The following KANK2 variants were observed in gnomAD, a reference collection of about 807,000 sequenced individuals.
KANK2 encodes the protein KN motif and ankyrin repeat domain-containing protein 2.
Under a neutral mutation model 74.6 loss-of-function variants are expected in KANK2, and 41 were observed. The ratio of observed to expected loss-of-function variants is 0.55; its 90% CI spans 0.43 to 0.71. The LOEUF is 0.71. Ranked by LOEUF, KANK2 falls within the 30% of genes least tolerant of loss-of-function variation. The pLI is 0.00. For synonymous variants in KANK2, 537 were observed against 519.0 expected (o/e 1.03, Z -0.47); for missense variants, 1,148 against 1,196.4 (o/e 0.96, Z 0.60).
intron 4 of KANK2, among the ~76,000 whole-genome samples, chr19:11,180,448 A>G (rs2078481714): frequency 6.6e-6 from 1 of 151,882 alleles, no homozygotes; most frequent in African/African-American, 2.4e-5. Flanking sequence ...CACAGGCAAT[A>G]TTCAACTTTA....
chr19:11,188,574 C>T (rs2078745142), intron 4 of KANK2, among the ~76,000 whole-genome samples: 1 of 151,312 alleles, frequency 6.6e-6, no homozygotes, highest in African/African-American at 2.4e-5. Flanking sequence ...TTTGTTCAAC[C>T]CCTTGATAAG....
chr19:11,193,551 G>A lies in KANK2; in HGVS notation c.529C>T (p.Pro177Ser). ...PTPRSSGLST[P>S]VPPSAGHLAH... Reference sequence around the variant, plus strand: ...AGGTGCCCGGCACTGGGAGGCACCGGTGTGGACAGTCCTGAACTCCGTGGT... The same window carrying A: ...AGGTGCCCGGCACTGGGAGGCACCGATGTGGACAGTCCTGAACTCCGTGGT... The change falls in exon 4 of 13, where the codon CCG (proline) becomes TCG (serine). Residue 177 changes from proline to serine, a missense_variant. Transcript: ENST00000586659. This position sits in a 1 kb window ranked among gnomAD's most constrained non-coding sequence, Gnocchi z 9.6. The A allele has an allele frequency of 1.9e-6, 3 of 1,604,162 alleles. No homozygotes were observed. The highest frequency in any genetic ancestry group is 2.2e-5 in the South Asian group (2 of 90,838).
upstream of KANK2, chr19:11,197,699 G>C (rs1179721400): frequency 1.3e-5 from 2 of 151,910 alleles, no homozygotes; most frequent in African/African-American, 4.8e-5. Flanking sequence ...TTGGAGACTG[G>C]ATCTCACCTG....
intron 6 of KANK2, among the ~76,000 whole-genome samples, chr19:11,177,035 G>C (rs1054127620): frequency 5.9e-5 from 9 of 152,140 alleles, no homozygotes; most frequent in Admixed American, 1.3e-4. Context: ...TCATGCTCGG[G>C]GGGAGGGGCA....
chr19:11,193,276 G>A lies in KANK2; in HGVS notation c.804C>T (p.Gly268=), dbSNP rs2078910430. 9.9e-6 allele frequency: 16 copies of A among 1,611,124 alleles called. No homozygotes were observed. Among genetic ancestry groups the A allele is most frequent in the Non-Finnish European group, 1.4e-5 (16 of 1,179,802 alleles). The change falls in exon 4 of 13, where the codon GGC becomes GGT. Residue 268 remains glycine (G), a synonymous_variant. Transcript: ENST00000586659. The surrounding 1 kb of genome is among the most constrained non-coding windows in gnomAD (Gnocchi z 9.6). ...CCAAGTCCCGTTCTCGAACCCAGGT[G>A]CCCACACTCCGGGTCTCCAGTGCCA... The part of the protein sequence containing the change: ...DPVALETRSV[G]TWVRERDLGM...
chr19:11,175,945 T>G lies in KANK2; in HGVS notation c.1805A>C (p.Glu602Ala). Reference sequence around the variant, plus strand: ...GGCGTTGGGATTGTCCAGGTACTTTTCCAGGGCCAAGCAGGCTGAGATGAG... The same window carrying G: ...GGCGTTGGGATTGTCCAGGTACTTTGCCAGGGCCAAGCAGGCTGAGATGAG... ...PDLISACLAL[E>A]KYLDNPNALT... Residue 602 changes from glutamate (E) to alanine (A), a missense_variant, in exon 8 of 13, where the codon GAA becomes GCA. Coordinates refer to ENST00000586659, the MANE Select transcript of KANK2 (RefSeq NM_001136191.3). 1.2e-6 allele frequency: 2 copies of G among 1,613,964 alleles called. No homozygotes were observed.
intron 3 of KANK2, 59 bp downstream of exon 3, chr19:11,194,416 C>G (rs150888326): frequency 1.4e-6 from 2 of 1,414,374 alleles, no homozygotes; most frequent in African/African-American, 2.8e-5. Context: ...CCCCAGCCCC[C>G]TCAGGCCTCC....
intron 4 of KANK2, among the ~76,000 whole-genome samples, chr19:11,187,753 T>C (rs1339771938): frequency 6.6e-6 from 1 of 152,174 alleles, no homozygotes; most frequent in Non-Finnish European, 1.5e-5. Flanking sequence ...AAGGTATACA[T>C]TAAATATGTG....
intron 4 of KANK2, among the ~76,000 whole-genome samples, chr19:11,189,889 AG>A (rs2078791352): frequency 6.6e-6 from 1 of 152,140 alleles, no homozygotes; most frequent in African/African-American, 2.4e-5. Flanking sequence ...AGCCTCTGGC[AG>A]GGGGCCAGAA....
rs551852894 is a variant in KANK2 at position 11,193,518 on chromosome 19, C to T, written c.562G>A (p.Val188Met). 2.6e-5 allele frequency: 42 copies of T among 1,608,378 alleles called. No individual in the cohort carries two copies. The highest frequency in any genetic ancestry group is 2.2e-4 in the South Asian group (20 of 91,042). ...AGGGCACCCGCCATCTGCTCCCGCACGTGGGCCAGGTGCCCGGCACTGGGA... is the reference window on the plus strand; with the variant it reads ...AGGGCACCCGCCATCTGCTCCCGCATGTGGGCCAGGTGCCCGGCACTGGGA... ...VPPSAGHLAH[V>M]REQMAGALRK... The change falls in exon 4 of 13, where the codon GTG becomes ATG. Residue 188 changes from valine to methionine, a missense_variant. By Grantham distance (21) the Val-to-Met change is conservative. Transcript: ENST00000586659. This position sits in a 1 kb window ranked among gnomAD's most constrained non-coding sequence, Gnocchi z 9.6.
In KANK2 at chr19:11,173,004, T is replaced by C. The variant is rs1435751445; in HGVS notation, c.2188A>G (p.Asn730Asp). 1 of 1,613,790 alleles carries C rather than the reference T, an allele frequency of 6.2e-7. No individual in the cohort carries two copies. The highest frequency in any genetic ancestry group is 1.7e-5 in the Admixed American group (1 of 59,964). Residue 730 changes from asparagine (N) to aspartate (D), a missense_variant, in exon 10 of 13, where the codon AAC (asparagine) becomes GAC (aspartate). Asn to Asp is a conservative substitution (Grantham distance 23). Coordinates refer to ENST00000586659, the MANE Select transcript of KANK2 (RefSeq NM_001136191.3). ...ACCTGGCTGGCTTTGGCATTGATGT[T>C]GCCAAGCCGGAAGAGCTGAAGGACA... ...ETVLQLFRLG[N>D]INAKASQAGQ...
chr19:11,193,789 G>A lies in KANK2; in HGVS notation c.291C>T (p.His97=), dbSNP rs2078933515. 6.2e-7 allele frequency: 1 copy of A among 1,612,714 alleles called. No homozygotes were observed. The highest frequency in any genetic ancestry group is 8.5e-7 in the Non-Finnish European group (1 of 1,179,710). Residue 97 remains histidine, a synonymous_variant, in exon 4 of 13, where the codon CAC becomes CAT. Coordinates refer to ENST00000586659, the MANE Select transcript of KANK2 (RefSeq NM_001136191.3). The surrounding 1 kb of genome is among the most constrained non-coding windows in gnomAD (Gnocchi z 9.6). Reference sequence around the variant, plus strand: ...CACGGCCGCAGTAGGAATAGGCTGAGTGGCGGCTGTCCCCACTGGCATTGG... The same window carrying A: ...CACGGCCGCAGTAGGAATAGGCTGAATGGCGGCTGTCCCCACTGGCATTGG... ...LCSNASGDSR[H]SAYSYCGRGF... is the part of the protein sequence containing the mutation.
intron 8 of KANK2, among the ~76,000 whole-genome samples, chr19:11,175,460 T>C (rs1003561962): frequency 4.0e-5 from 5 of 124,792 alleles, no homozygotes; most frequent in African/African-American, 1.3e-4. Context: ...AAAAAAAGAA[T>C]TTTTTTGTAG....
intron 4 of KANK2, among the ~76,000 whole-genome samples, chr19:11,187,443 A>G (rs1033005380): frequency 1.3e-5 from 2 of 152,152 alleles, no homozygotes; most frequent in Non-Finnish European, 2.9e-5. Context: ...AAGGACACTC[A>G]AATGTCTAAA....
chr19:11,180,655 G>A (rs968944352), intron 4 of KANK2, among the ~76,000 whole-genome samples: 18 of 152,120 alleles, frequency 1.2e-4, no homozygotes, highest in Admixed American at 1.0e-3. Flanking sequence ...GAGAGCAAAC[G>A]CCAGTTGCTA....
intron 4 of KANK2, among the ~76,000 whole-genome samples, chr19:11,189,979 G>A (rs987201749): frequency 1.3e-5 from 2 of 152,088 alleles, no homozygotes; most frequent in East Asian, 1.9e-4. Flanking sequence ...ACGGGCCGGC[G>A]AGAAAACACA....
rs1270773231 is a variant in KANK2 at position 11,193,102 on chromosome 19, G to A, written c.978C>T (p.Arg326=). The A allele has an allele frequency of 6.2e-6, 10 of 1,606,298 alleles. No individual in the cohort carries two copies. The highest frequency in any genetic ancestry group is 2.2e-5 in the East Asian group (1 of 44,668). ...CTTCTACCACCCGGACTGTATCCAC[G>A]CGGACCGGGCTGTCCGGCGGTGGCC... ...QAWPPPDSPV[R]VDTVRVVEGP... The change falls in exon 4 of 13, where the codon CGC becomes CGT. Residue 326 remains arginine, a synonymous_variant. Transcript: ENST00000586659. The surrounding 1 kb of genome is among the most constrained non-coding windows in gnomAD (Gnocchi z 9.6).
In KANK2 at chr19:11,170,294, G is replaced by T. The variant is rs2147382238; in HGVS notation, c.2212-46C>A. ...GATTATGGTTCATGCAGGCCCCAGGGCAGGACACCCCCTGGTCTAGAACCT... is the reference window on the plus strand; with the variant it reads ...GATTATGGTTCATGCAGGCCCCAGGTCAGGACACCCCCTGGTCTAGAACCT... On this transcript the variant is annotated intron_variant, in intron 10 of 12. Coordinates refer to ENST00000586659, the MANE Select transcript of KANK2 (RefSeq NM_001136191.3). The surrounding 1 kb of genome is among the most constrained non-coding windows in gnomAD (Gnocchi z 5.2). The T allele has an allele frequency of 6.5e-7, 1 of 1,534,632 alleles. No homozygotes were observed. Among genetic ancestry groups the T allele is most frequent in the Non-Finnish European group, 8.9e-7 (1 of 1,120,096 alleles).
chr19:11,169,994 C>T lies in KANK2; in HGVS notation c.2413-28G>A, dbSNP rs370234279. The T allele has an allele frequency of 5.5e-5, 89 of 1,612,854 alleles. 1 individual carries two copies. The highest frequency in any genetic ancestry group is 4.2e-5 in the Non-Finnish European group (49 of 1,179,084). ...GCAAAGTATCCGGTGCTATGAATGA[C>T]GTCCCCATGCTGTGCTCCCGCCCTC... On this transcript the variant is annotated intron_variant, in intron 11 of 12. Transcript: ENST00000586659.
Sources: gnomAD v4.1 joint callset for allele counts (sites outside exome capture counted in the v4.1 genomes callset) on GRCh38, gnomAD v4.1.1 for gene constraint, Gnocchi (gnomAD v3.1) non-coding constraint, MANE v1.5 for transcripts, NCBI Gene and HGNC (gene_info 2026-07-23, HGNC 2026-07-21) for gene names.